The following KL variants were observed in gnomAD, a reference collection of about 807,000 sequenced individuals.
KL encodes alpha-klotho.
In KL, 62 loss-of-function variants were observed where a neutral mutation model predicts 84.2. The observed-to-expected ratio is 0.74, with a 90% CI of 0.60 to 0.91. KL has a LOEUF of 0.91. KL is among the 40% of genes least tolerant of loss of function. KL has a pLI of 0.00. For synonymous variants in KL, 528 were observed against 528.0 expected, an observed-to-expected ratio of 1.00 and a Z score of 0.00; for missense variants, 1,261 against 1,305.7, an observed-to-expected ratio of 0.97 and a Z score of 0.53.
intron 3 of KL, among the ~76,000 whole-genome samples, chr13:33,057,388 C>T (rs1044772223): frequency 1.7e-4 from 26 of 152,118 alleles, no homozygotes; most frequent in Admixed American, 1.3e-3. Flanking sequence ...AAGGGTACAT[C>T]CTATTTCCTT....
Position 33,055,288 on chromosome 13 carries a change from T to C in KL, c.1572T>C (p.Ala524=). ...AAGGGACATTTCCCTGTGACTTTGC[T>C]TGGGGAGTTGTTGACAACTACATTC... is the stretch of plus-strand genomic sequence containing the variant. The part of the protein sequence containing the change: ...PLEGTFPCDF[A]WGVVDNYIQV... The change falls in exon 3 of 5, where the codon GCT becomes GCC. Residue 524 remains alanine, a synonymous_variant. Transcript: ENST00000380099. 1 of 1,614,212 alleles carries C rather than the reference T, an allele frequency of 6.2e-7. No homozygotes were observed. The highest frequency in any genetic ancestry group is 8.5e-7 in the Non-Finnish European group (1 of 1,180,020).
rs774778490 is a variant in KL, at chr13:33,061,263, A to G, written c.2184A>G (p.Ile728Met). ...ATGCTCAGAATGGGAAAATATCCATAGCCTTGCAGGCTGATTGGATAGAAC... is the reference window on the plus strand; with the variant it reads ...ATGCTCAGAATGGGAAAATATCCATGGCCTTGCAGGCTGATTGGATAGAAC... Reference protein sequence around the residue: ...FRHAQNGKISIALQADWIEPA... With the variant: ...FRHAQNGKISMALQADWIEPA... The change falls in exon 4 of 5, where the codon ATA becomes ATG. Residue 728 changes from isoleucine to methionine, a missense_variant. Physicochemically the swap from Ile to Met is conservative, Grantham distance 10 (BLOSUM62 1). Coordinates refer to ENST00000380099, the MANE Select transcript of KL (RefSeq NM_004795.4). The G allele has an allele frequency of 3.7e-6, 6 of 1,614,132 alleles. No individual in the cohort carries two copies. The highest frequency in any genetic ancestry group is 3.4e-6 in the Non-Finnish European group (4 of 1,180,048).
Position 33,016,820 on chromosome 13 carries a change from A to T in KL, c.380A>T (p.Asp127Val). The T allele has an allele frequency of 6.2e-7, 1 of 1,612,690 alleles. No individual in the cohort carries two copies. The highest frequency in any genetic ancestry group is 8.5e-7 in the Non-Finnish European group (1 of 1,179,778). Residue 127 changes from aspartate to valine, a missense_variant, in exon 1 of 5, where the codon GAC (aspartate) becomes GTC (valine). Asp to Val is a radical substitution (Grantham distance 152, BLOSUM62 -3). Transcript: ENST00000380099. Reference protein sequence around the residue: ...LQPATGDVASDSYNNVFRDTE... With the variant: ...LQPATGDVASVSYNNVFRDTE... ...CCCGCCACCGGGGACGTAGCCAGCG[A>T]CAGCTACAACAACGTCTTCCGCGAC... is the stretch of plus-strand genomic sequence containing the variant.
chr13:33,037,521 A>G (rs900311120), intron 1 of KL, among the ~76,000 whole-genome samples: 1 of 152,034 alleles, frequency 6.6e-6, no homozygotes, highest in East Asian at 1.9e-4. Context: ...AAAGGCCCCA[A>G]TGTTGTCCTC....
intron 1 of KL, among the ~76,000 whole-genome samples, chr13:33,042,581 T>C (rs1480852820): frequency 6.6e-6 from 1 of 152,234 alleles, no homozygotes; most frequent in Non-Finnish European, 1.5e-5. Context: ...TAATGAATAG[T>C]ATTCCATTGT....
chr13:33,024,426 A>AC (rs1436220365), intron 1 of KL, among the ~76,000 whole-genome samples: 8 of 152,162 alleles, frequency 5.3e-5, no homozygotes, highest in African/African-American at 1.7e-4. Context: ...TGTCTGTGGG[A>AC]CCTGCCTCTG....
intron 3 of KL, among the ~76,000 whole-genome samples, chr13:33,059,884 C>A (rs1872107882): frequency 6.6e-6 from 1 of 152,230 alleles, no homozygotes; most frequent in South Asian, 2.1e-4. Context: ...CTACCTATAG[C>A]AAACCTCAAT....
chr13:33,046,377 G>A (rs1566505011), intron 1 of KL, among the ~76,000 whole-genome samples: 1 of 152,062 alleles, frequency 6.6e-6, no homozygotes, highest in African/African-American at 2.4e-5. Context: ...GTGTGCTTCC[G>A]GGAATTTGGC....
intron 1 of KL, among the ~76,000 whole-genome samples, chr13:33,045,286 A>G (rs1871484906): frequency 6.6e-6 from 1 of 152,198 alleles, no homozygotes; most frequent in African/African-American, 2.4e-5. Flanking sequence ...GAATCATGTT[A>G]TCTGTGAATA....
chr13:33,061,209 T>C lies in KL; in HGVS notation c.2130T>C (p.Ala710=). 6.2e-7 allele frequency: 1 copy of C among 1,614,254 alleles called. No homozygotes were observed. Among genetic ancestry groups the C allele is most frequent in the South Asian group, 1.1e-5 (1 of 91,086 alleles). The change falls in exon 4 of 5, where the codon GCT becomes GCC. Residue 710 remains alanine (A), a synonymous_variant. Coordinates refer to ENST00000380099, the MANE Select transcript of KL (RefSeq NM_004795.4). ...GHNLLKAHAL[A]WHVYNEKFRH... is the part of the protein sequence containing the mutation. ...ACCTTCTGAAGGCCCATGCCCTGGCTTGGCATGTGTACAATGAAAAGTTTA... is the reference window on the plus strand; with the variant it reads ...ACCTTCTGAAGGCCCATGCCCTGGCCTGGCATGTGTACAATGAAAAGTTTA...
chr13:33,055,976 C>G (rs2138235476), intron 3 of KL, among the ~76,000 whole-genome samples: 1 of 152,266 alleles, frequency 6.6e-6, no homozygotes, highest in East Asian at 1.9e-4. Flanking sequence ...CTAGTAAGCA[C>G]TTATTGGATG....
intron 1 of KL, among the ~76,000 whole-genome samples, chr13:33,043,744 G>A (rs1238127414): frequency 6.6e-6 from 1 of 151,990 alleles, no homozygotes; most frequent in Non-Finnish European, 1.5e-5. Context: ...ATTTATTTCG[G>A]ATATAATTAT....
At chr13:33,048,511 C>A (rs1871622698) in intron 1 of KL, among the ~76,000 whole-genome samples, 1 of 152,218 alleles carries the variant, frequency 6.6e-6, no homozygotes, top group African/African-American at 2.4e-5. Flanking sequence ...CTGAGCCTCA[C>A]AAAATCTTGT....
chr13:33,017,096 A>T lies in KL; in HGVS notation c.656A>T (p.Tyr219Phe), dbSNP rs1870387959. 2 of 1,605,578 alleles carry T rather than the reference A, an allele frequency of 1.2e-6. No homozygotes were observed. Among genetic ancestry groups the T allele is most frequent in the Non-Finnish European group, 1.7e-6 (2 of 1,179,748 alleles). Residue 219 changes from tyrosine to phenylalanine, a missense_variant, in exon 1 of 5, where the codon TAC becomes TTC. By Grantham distance (22) the Tyr-to-Phe change is conservative. Transcript: ENST00000380099. ...GCCCTGGCCGACCACTTCAGGGATT[A>T]CGCGGAGCTCTGCTTCCGCCACTTC... ...NRALADHFRDYAELCFRHFGG... is the reference protein window; with the variant it reads ...NRALADHFRDFAELCFRHFGG...
At chr13:33,050,064 T>C (rs1004975222) in intron 1 of KL, among the ~76,000 whole-genome samples, 17 of 152,364 alleles carry the variant, frequency 1.1e-4, no homozygotes, top group African/African-American at 2.4e-4. Context: ...TTATCCTGAA[T>C]AATGGTATTT....
At chr13:33,044,592 A>G (rs772109212) in intron 1 of KL, among the ~76,000 whole-genome samples, 2 of 137,650 alleles carry the variant, frequency 1.5e-5, no homozygotes, top group Non-Finnish European at 3.2e-5. Context: ...TGTATTTAAA[A>G]TTTATTTTCT....
Position 33,064,577 on chromosome 13 carries a change from T to A in KL, c.*391T>A, listed in dbSNP as rs1405297576. On this transcript the variant is annotated 3_prime_UTR_variant, in exon 5 of 5. Coordinates refer to ENST00000380099, the MANE Select transcript of KL (RefSeq NM_004795.4). ...TTTCTGGAAGTAGTAATTGCAAGAG[T>A]TCGAATAGAAAGTTATGTACCAAGT... The A allele has an allele frequency of 1.1e-5, 3 of 277,204 alleles. No individual in the cohort carries two copies. The highest frequency in any genetic ancestry group is 2.2e-5 in the African/African-American group (1 of 45,566). The allele number at this position is 277,204 out of a possible 1,614,324, so 17.2% of individuals were successfully genotyped here.
At position 33,017,135 on chromosome 13, in the gene KL, A is replaced by T; in HGVS notation, c.695A>T (p.Lys232Met). The T allele has an allele frequency of 6.2e-7, 1 of 1,603,240 alleles. No homozygotes were observed. Among genetic ancestry groups the T allele is most frequent in the Non-Finnish European group, 8.5e-7 (1 of 1,179,782 alleles). Residue 232 changes from lysine (K) to methionine (M), a missense_variant, in exon 1 of 5, where the codon AAG (lysine) becomes ATG (methionine). Physicochemically the swap from Lys to Met is moderately conservative, Grantham distance 95 (BLOSUM62 -1). Transcript: ENST00000380099. ...LCFRHFGGQV[K>M]YWITIDNPYV... is the part of the protein sequence containing the mutation. ...TTCCGCCACTTCGGCGGTCAGGTCA[A>T]GTACTGGATCACCATCGACAACCCC... is the stretch of plus-strand genomic sequence containing the variant.
At chr13:33,016,244 G>C (rs1376221501), upstream of KL, 1 of 151,760 alleles carries the variant, frequency 6.6e-6, no homozygotes. Flanking sequence ...CGCCCCTCCC[G>C]GGCACCCCTC....
Sources: gnomAD v4.1 joint callset for allele counts (sites outside exome capture counted in the v4.1 genomes callset) on GRCh38, gnomAD v4.1.1 for gene constraint, MANE v1.5 for transcripts, NCBI Gene and HGNC (gene_info 2026-07-23, HGNC 2026-07-21) for gene names.